NUMA1: variants seen among roughly 807,000 people sequenced by gnomAD.
NUMA1 encodes the protein nuclear mitotic apparatus protein 1, also known as SP-H antigen.
Under a neutral mutation model 237.1 loss-of-function variants are expected in NUMA1, and 62 were observed. That is an observed-to-expected ratio of 0.26 (90% CI 0.21 to 0.32). The LOEUF (loss-of-function observed/expected upper bound fraction) is 0.32. NUMA1 is among the 10% of genes least tolerant of loss of function. The pLI, the probability that NUMA1 is intolerant of heterozygous loss-of-function variation, is 1.00. For missense variants in NUMA1, 2,533 were observed against 2,666.5 expected (o/e 0.95, Z 1.10); for synonymous variants, 1,028 against 1,066.1 (o/e 0.96, Z 0.70).
chr11:72,022,483 G>A (rs1939002316), intron 6 of NUMA1, 64 bp from the exon 7 acceptor site: 1 of 1,092,600 alleles, frequency 9.2e-7, no homozygotes, highest in African/African-American at 1.6e-5. Flanking sequence ...CCCCCATTCT[G>A]GGCTGTTCTG....
Position 72,013,600 on chromosome 11 carries a change from A to G in NUMA1, c.3903T>C (p.Ala1301=). 6.2e-7 allele frequency: 1 copy of G among 1,612,048 alleles called. No homozygotes were observed. The highest frequency in any genetic ancestry group is 1.1e-5 in the South Asian group (1 of 91,076). ...REEVQSLREE[A]EKQRVASENL... Reference sequence around the variant, plus strand: ...TCTCTGAAGCCACCCGCTGTTTCTCAGCCTCCTCCCGGAGGCTCTGCACCT... The same window carrying G: ...TCTCTGAAGCCACCCGCTGTTTCTCGGCCTCCTCCCGGAGGCTCTGCACCT... Residue 1301 remains alanine, a synonymous_variant, in exon 15 of 27, where the codon GCT becomes GCC. Coordinates refer to ENST00000393695, the MANE Select transcript of NUMA1 (RefSeq NM_006185.4). The surrounding 1 kb of genome is among the most constrained non-coding windows in gnomAD (Gnocchi z 6.8).
In NUMA1 at chr11:72,004,005, A is replaced by G; in HGVS notation, c.6218T>C (p.Leu2073Pro). 1 of 1,613,426 alleles carries G rather than the reference A, an allele frequency of 6.2e-7. No individual in the cohort carries two copies. Among genetic ancestry groups the G allele is most frequent in the Non-Finnish European group, 8.5e-7 (1 of 1,179,620 alleles). Reference sequence around the variant, plus strand: ...GCGAGTGTTGGGGGAAGCCTTGGACAGGGCCTTCTTTGAGGCTCCCCGCCG... The same window carrying G: ...GCGAGTGTTGGGGGAAGCCTTGGACGGGGCCTTCTTTGAGGCTCCCCGCCG... ...LLRRGASKKALSKASPNTRSG... is the reference protein window; with the variant it reads ...LLRRGASKKAPSKASPNTRSG... Residue 2073 changes from leucine (L) to proline (P), a missense_variant, in exon 26 of 27, where the codon CTG becomes CCG. Around this residue, in one of 3 missense-constraint regions of NUMA1, gnomAD observed 795 missense variants for 750.8 expected, o/e 1.06. Coordinates refer to ENST00000393695, the MANE Select transcript of NUMA1 (RefSeq NM_006185.4).
chr11:72,029,335 A>ACC (rs398097613), intron 3 of NUMA1, 45 bp from the exon 4 acceptor site: 1 of 1,310,112 alleles, frequency 7.6e-7, no homozygotes, highest in Non-Finnish European at 1.1e-6. Context: ...TAGAAGCAAC[A>ACC]TGGTTTGCTC....
intron 1 of NUMA1, among the ~76,000 whole-genome samples, chr11:72,079,888 C>A (rs1420988846): frequency 1.3e-5 from 2 of 152,074 alleles, no homozygotes; most frequent in Non-Finnish European, 2.9e-5. Context: ...ACAACGCGCG[C>A]CCCCACAAAG....
rs767290941 is a variant in NUMA1, at chr11:72,018,401, A to C, written c.855T>G (p.Asn285Lys). 11 of 1,613,816 alleles carry C rather than the reference A, an allele frequency of 6.8e-6. No homozygotes were observed. The South Asian group carries it at 1.2e-4, about 18-fold the overall frequency. Reference sequence around the variant, plus strand: ...GAATGCAGGGAGAGCTGTACCTCTCATTCTTGTCACGCAGCTCCTCAAGCT... The same window carrying C: ...GAATGCAGGGAGAGCTGTACCTCTCCTTCTTGTCACGCAGCTCCTCAAGCT... Reference protein sequence around the residue: ...PKELEELRDKNESLTMRLHET... With the variant: ...PKELEELRDKKESLTMRLHET... Residue 285 changes from asparagine (N) to lysine (K), a missense_variant, in exon 11 of 27, where the codon AAT becomes AAG. This residue lies in a region of NUMA1 where 1,414 missense variants were observed against 1,508.1 expected (regional missense o/e 0.94). Transcript: ENST00000393695.
intron 23 of NUMA1, 72 bp from the exon 24 acceptor site, chr11:72,004,888 G>C (rs1955580256): frequency 7.1e-7 from 1 of 1,413,292 alleles, no homozygotes; most frequent in Non-Finnish European, 9.5e-7. Flanking sequence ...GGCTGTCCCA[G>C]AACTCTACAC....
chr11:72,018,041 A>T, intron 12 of NUMA1, 142 bp downstream of exon 12: 2 of 915,504 alleles, frequency 2.2e-6, no homozygotes, highest in East Asian at 4.9e-5. Flanking sequence ...TGGGATAAGG[A>T]AAGGGGCAAA....
chr11:72,005,838 G>A, intron 22 of NUMA1, 197 bp downstream of exon 22: 1 of 592,532 alleles, frequency 1.7e-6, no homozygotes, highest in Non-Finnish European at 3.0e-6. Flanking sequence ...CTCTGGCTAA[G>A]AGTGCCCCCA....
intron 2 of NUMA1, among the ~76,000 whole-genome samples, chr11:72,045,961 C>T (rs1009540359): frequency 2.6e-5 from 4 of 152,306 alleles, no homozygotes; most frequent in Non-Finnish European, 5.9e-5. Context: ...CAGCCTGGCC[C>T]CTTGCTCTAA....
chr11:72,056,325 C>CT (rs34278553), intron 2 of NUMA1, among the ~76,000 whole-genome samples: 126,435 of 139,910 alleles, frequency 0.9, 57,517 homozygotes, highest in Non-Finnish European at 0.97. Context: ...TCCCATCTCT[C>CT]TTTTTTTTTT....
intron 4 of NUMA1, among the ~76,000 whole-genome samples, chr11:72,025,878 A>T (rs911431463): frequency 9.2e-5 from 14 of 152,260 alleles, no homozygotes; most frequent in African/African-American, 3.4e-4. Context: ...CAGACTCCCA[A>T]ATGAGCCATT....
chr11:72,005,802 T>C, intron 22 of NUMA1: 2 of 560,088 alleles, frequency 3.6e-6, no homozygotes, highest in Non-Finnish European at 6.3e-6. Flanking sequence ...AGTGTCACAA[T>C]TGTGCTGGGA....
chr11:72,051,652 G>A (rs976846578), intron 2 of NUMA1, among the ~76,000 whole-genome samples: 5 of 151,928 alleles, frequency 3.3e-5, no homozygotes, highest in Admixed American at 1.3e-4. Context: ...TGTACTTTTT[G>A]TAGAGATGGA....
At chr11:72,011,978 C>T (rs1956191367) in intron 16 of NUMA1, among the ~76,000 whole-genome samples, 1 of 152,188 alleles carries the variant, frequency 6.6e-6, no homozygotes, top group African/African-American at 2.4e-5. Flanking sequence ...TTCCATAAAG[C>T]TGTACTCTGG....
chr11:72,047,324 C>CA lies in NUMA1; in HGVS notation c.-32-11350dup, dbSNP rs529772024. ...TAACATAGCGAGATCCCCATCTCTA[C>CA]AAAAAATAAAAGAATTAGCCAGACA... On this transcript the variant is annotated intron_variant, in intron 2 of 26. Coordinates refer to ENST00000393695, the MANE Select transcript of NUMA1 (RefSeq NM_006185.4). Among the ~76,000 whole-genome samples, 49 of 151,640 alleles carry CA rather than the reference C, an allele frequency of 3.2e-4. No individual in the cohort carries two copies. In the East Asian group the frequency reaches 8.2e-3, roughly 25 times the overall value.
chr11:72,074,481 G>A (rs1441181523), intron 1 of NUMA1, among the ~76,000 whole-genome samples: 1 of 152,182 alleles, frequency 6.6e-6, no homozygotes, highest in Non-Finnish European at 1.5e-5. Context: ...GCTGGGTGTG[G>A]TGGTTTGTGC....
chr11:72,047,534 C>CAAGTT (rs1942072060), intron 2 of NUMA1, among the ~76,000 whole-genome samples: 2 of 152,046 alleles, frequency 1.3e-5, no homozygotes, highest in Non-Finnish European at 2.9e-5. Context: ...GAGTTCAAGT[C>CAAGTT]CCCAGTCATC....
chr11:72,069,318 C>T (rs1943342725), intron 2 of NUMA1, among the ~76,000 whole-genome samples: 1 of 152,148 alleles, frequency 6.6e-6, no homozygotes, highest in South Asian at 2.1e-4. Context: ...GGCAATTTGT[C>T]CCTGGTCACA....
chr11:72,012,188 GA>G, intron 16 of NUMA1: 1 of 551,824 alleles, frequency 1.8e-6, no homozygotes, highest in East Asian at 3.0e-5. Context: ...CAGAAGGGTG[GA>G]GAGGCCGACC....
Sources: gnomAD v4.1 joint callset for allele counts (sites outside exome capture counted in the v4.1 genomes callset) on GRCh38, gnomAD v4.1.1 for gene constraint, gnomAD v4.1.1 regional missense constraint, Gnocchi (gnomAD v3.1) non-coding constraint, MANE v1.5 for transcripts, NCBI Gene and HGNC (gene_info 2026-07-23, HGNC 2026-07-21) for gene names.